TESK2: variants seen among roughly 807,000 people sequenced by gnomAD.
TESK2 encodes the protein dual specificity testis-specific protein kinase 2.
In TESK2, 39 loss-of-function variants were observed where a neutral mutation model predicts 57.1. The observed-to-expected ratio is 0.68, with a 90% CI of 0.53 to 0.89. The LOEUF (loss-of-function observed/expected upper bound fraction) is 0.89. Among genes scored for constraint, TESK2 ranks in the 40% least tolerant of loss-of-function variants. The pLI is 0.00. For missense variants in TESK2, 646 were observed against 732.1 expected (o/e 0.88, Z 1.36); for synonymous variants, 249 against 267.9 (o/e 0.93, Z 0.69).
At chr1:45,351,977 A>G (rs1166993899) in intron 5 of TESK2, among the ~76,000 whole-genome samples, 2 of 152,214 alleles carry the variant, frequency 1.3e-5, no homozygotes, top group African/African-American at 2.4e-5. Flanking sequence ...AAAATATAAG[A>G]AAGCCTGATA....
At chr1:45,358,261 C>T (rs1232265728) in intron 4 of TESK2, among the ~76,000 whole-genome samples, 17 of 150,590 alleles carry the variant, frequency 1.1e-4, no homozygotes, top group Admixed American at 3.3e-4. Context: ...TGCAGTGAGC[C>T]GAGACTGTAC....
intron 4 of TESK2, among the ~76,000 whole-genome samples, chr1:45,365,518 T>A (rs899627913): frequency 5.9e-5 from 9 of 152,194 alleles, no homozygotes; most frequent in East Asian, 1.9e-4. Context: ...TCATTTTTTT[T>A]ATTATTATTA....
chr1:45,398,058 C>A (rs141848487), intron 3 of TESK2, among the ~76,000 whole-genome samples: 4 of 152,104 alleles, frequency 2.6e-5, no homozygotes, highest in African/African-American at 4.8e-5. Context: ...CAAGCATGCA[C>A]CATCTCACCT....
chr1:45,392,326 A>T (rs923791276), intron 3 of TESK2, among the ~76,000 whole-genome samples: 15 of 152,270 alleles, frequency 9.9e-5, no homozygotes, highest in African/African-American at 3.6e-4. Flanking sequence ...ACCTTAGGTG[A>T]TCCACCCACC....
chr1:45,417,873 G>A (rs1415572646), intron 3 of TESK2, among the ~76,000 whole-genome samples: 2 of 152,140 alleles, frequency 1.3e-5, no homozygotes, highest in Non-Finnish European at 2.9e-5. Flanking sequence ...TTACAGGCGT[G>A]AGCCACCGTA....
intron 3 of TESK2, among the ~76,000 whole-genome samples, chr1:45,403,568 C>A (rs529878797): frequency 6.6e-6 from 1 of 152,202 alleles, no homozygotes; most frequent in African/African-American, 2.4e-5. Context: ...TTAAGACAGC[C>A]AAAGGCAGAA....
chr1:45,373,443 A>C (rs1199339416), intron 4 of TESK2, among the ~76,000 whole-genome samples: 1 of 152,260 alleles, frequency 6.6e-6, no homozygotes, highest in East Asian at 1.9e-4. Flanking sequence ...TAATTCATTT[A>C]ACAAACATTC....
chr1:45,445,432 T>C (rs988359451), intron 2 of TESK2, among the ~76,000 whole-genome samples: 1 of 151,824 alleles, frequency 6.6e-6, no homozygotes, highest in African/African-American at 2.4e-5. Context: ...AGTTGGACAA[T>C]TACAAAAACA....
intron 4 of TESK2, among the ~76,000 whole-genome samples, chr1:45,380,580 C>T (rs1037250063): frequency 3.9e-5 from 6 of 152,184 alleles, no homozygotes; most frequent in Non-Finnish European, 8.8e-5. Flanking sequence ...AAGTTTTTGG[C>T]AGCTACTTTT....
intron 2 of TESK2, among the ~76,000 whole-genome samples, chr1:45,435,429 AT>A (rs527875708): frequency 4.3e-3 from 572 of 133,914 alleles, no homozygotes; most frequent in Middle Eastern, 0.021. Flanking sequence ...GCACCCAGCC[AT>A]TTTTTTTTTT....
chr1:45,350,902 C>G (rs1004541657), intron 5 of TESK2, among the ~76,000 whole-genome samples: 15 of 152,218 alleles, frequency 9.9e-5, no homozygotes, highest in Admixed American at 5.2e-4. Flanking sequence ...CTACATCCCT[C>G]CAGCATTCAA....
At chr1:45,477,139 A>C (rs1348366766) in intron 1 of TESK2, among the ~76,000 whole-genome samples, 2 of 151,494 alleles carry the variant, frequency 1.3e-5, no homozygotes, top group Non-Finnish European at 2.9e-5. Flanking sequence ...TAAGTGAGGC[A>C]GGAGAATTGC....
intron 1 of TESK2, among the ~76,000 whole-genome samples, chr1:45,472,455 G>A (rs1652807233): frequency 6.6e-6 from 1 of 151,654 alleles, no homozygotes; most frequent in African/African-American, 2.4e-5. Flanking sequence ...CTACTTGGGA[G>A]GCTAAGGCAG....
chr1:45,387,765 G>C (rs1316692179), intron 3 of TESK2, among the ~76,000 whole-genome samples: 1 of 152,196 alleles, frequency 6.6e-6, no homozygotes, highest in African/African-American at 2.4e-5. Context: ...CCAGCATTTT[G>C]GGAGGCCAAG....
chr1:45,487,343 A>G (rs551974111), intron 1 of TESK2, among the ~76,000 whole-genome samples: 24 of 152,142 alleles, frequency 1.6e-4, no homozygotes, highest in Non-Finnish European at 2.9e-4. Context: ...GGAACCACCA[A>G]TCCAACTCTG....
intron 5 of TESK2, among the ~76,000 whole-genome samples, chr1:45,350,472 G>A (rs770609924): frequency 3.9e-5 from 6 of 152,122 alleles, no homozygotes; most frequent in East Asian, 3.8e-4. Flanking sequence ...CCCCTCACCC[G>A]CAACAAACTG....
intron 2 of TESK2, among the ~76,000 whole-genome samples, chr1:45,436,478 C>CTT (rs35561877): frequency 3.0e-5 from 1 of 33,622 alleles, no homozygotes; most frequent in Non-Finnish European, 5.1e-5. Context: ...CGTGCCTGGC[C>CTT]TTTTTTTTTT....
At chr1:45,358,535 T>C (rs1647540599) in intron 4 of TESK2, among the ~76,000 whole-genome samples, 2 of 152,182 alleles carry the variant, frequency 1.3e-5, no homozygotes, top group African/African-American at 4.8e-5. Context: ...GTTATTTATA[T>C]AGTATCTAAA....
At chr1:45,387,961 C>G (rs547978787) in intron 3 of TESK2, among the ~76,000 whole-genome samples, 1 of 152,052 alleles carries the variant, frequency 6.6e-6, no homozygotes, top group Non-Finnish European at 1.5e-5. Context: ...GAGCCGAGAT[C>G]GTGCCATTGC....
Sources: gnomAD v4.1 joint callset for allele counts (sites outside exome capture counted in the v4.1 genomes callset) on GRCh38, gnomAD v4.1.1 for gene constraint, MANE v1.5 for transcripts, NCBI Gene and HGNC (gene_info 2026-07-23, HGNC 2026-07-21) for gene names.